Variants in EEIG1 observed in about 807,000 individuals in gnomAD.
EEIG1 encodes the protein early estrogen-induced gene 1 protein.
chr9:127,966,513 GC>G, the EEIG1 span, among the ~76,000 whole-genome samples: 1 of 151,376 alleles, frequency 6.6e-6, no homozygotes, highest in Admixed American at 6.6e-5. Flanking sequence ...GCAAGTGGCT[GC>G]CCTGCTCTGT....
At chr9:127,964,713 C>T in the EEIG1 span, among the ~76,000 whole-genome samples, 2 of 152,246 alleles carry the variant, frequency 1.3e-5, no homozygotes, top group African/African-American at 2.4e-5. Flanking sequence ...CTCACCTCCA[C>T]TGGGTGCCCA....
At chr9:127,958,043 T>A in the EEIG1 span, among the ~76,000 whole-genome samples, 52 of 152,246 alleles carry the variant, frequency 3.4e-4, 1 homozygote, top group African/African-American at 1.2e-3. Flanking sequence ...ACTTTTATGG[T>A]CAATTGATTT....
At chr9:127,945,011 G>A in the EEIG1 span, 25 of 1,280,254 alleles carry the variant, frequency 2.0e-5, no homozygotes, top group Non-Finnish European at 2.5e-5. The surrounding 1 kb of genome is among the most constrained non-coding windows in gnomAD (Gnocchi z 6.5). Flanking sequence ...ATGTCCCTGT[G>A]CGCTCCGTGC....
the EEIG1 span, chr9:127,942,247 G>C: frequency 6.5e-6 from 1 of 152,736 alleles, no homozygotes; most frequent in Non-Finnish European, 1.5e-5. Context: ...GACTTTGCTT[G>C]CTCCAACCTT....
At chr9:127,968,758 C>T in the EEIG1 span, among the ~76,000 whole-genome samples, 2 of 152,284 alleles carry the variant, frequency 1.3e-5, no homozygotes, top group East Asian at 3.9e-4. Context: ...AGTCACTTTT[C>T]CTCCCAGCCC....
the EEIG1 span, chr9:127,950,362 A>G: frequency 2.6e-6 from 4 of 1,539,444 alleles, no homozygotes; most frequent in Non-Finnish European, 3.6e-6. Flanking sequence ...GATTCTGATG[A>G]GCAGCCTGGT....
the EEIG1 span, among the ~76,000 whole-genome samples, chr9:127,947,755 C>CT: frequency 0.01 from 1,559 of 152,284 alleles, 24 homozygotes; most frequent in African/African-American, 0.035. Context: ...TCTTCCCCAG[C>CT]TTTTATCCTG....
chr9:127,972,593 C>G, the EEIG1 span: 1 of 152,420 alleles, frequency 6.6e-6, no homozygotes, highest in South Asian at 2.1e-4. This position sits in a 1 kb window ranked among gnomAD's most constrained non-coding sequence, Gnocchi z 4.3. Context: ...GTCCCTTGCC[C>G]AAGGTCACAC....
the EEIG1 span, among the ~76,000 whole-genome samples, chr9:127,945,077 A>AT: frequency 6.6e-6 from 1 of 152,080 alleles, no homozygotes; most frequent in African/African-American, 2.4e-5. This position sits in a 1 kb window ranked among gnomAD's most constrained non-coding sequence, Gnocchi z 6.5. Context: ...TCATGAGCCG[A>AT]TTTTATAGAC....
At chr9:127,963,260 T>A in the EEIG1 span, among the ~76,000 whole-genome samples, 6 of 152,250 alleles carry the variant, frequency 3.9e-5, no homozygotes, top group Admixed American at 3.3e-4. Context: ...CTCAGCCACC[T>A]GGTTCAAGGC....
chr9:127,946,068 G>C, the EEIG1 span, among the ~76,000 whole-genome samples: 1 of 152,240 alleles, frequency 6.6e-6, no homozygotes, highest in Admixed American at 6.5e-5. Context: ...AGTGCTTACT[G>C]GGGGTCTGGC....
the EEIG1 span, chr9:127,947,921 T>C: frequency 1.1e-6 from 1 of 870,584 alleles, no homozygotes; most frequent in Non-Finnish European, 1.8e-6. Flanking sequence ...CACAAGGTGA[T>C]CAGGTCTCAT....
At chr9:127,948,389 G>A in the EEIG1 span, 3 of 1,614,024 alleles carry the variant, frequency 1.9e-6, no homozygotes, top group Admixed American at 3.3e-5. Flanking sequence ...GGGATCTCCA[G>A]AGAGCAGGAA....
At chr9:127,977,660 C>T in the EEIG1 span, among the ~76,000 whole-genome samples, 1 of 152,224 alleles carries the variant, frequency 6.6e-6, no homozygotes, top group Non-Finnish European at 1.5e-5. Context: ...ACATAACACA[C>T]AGATTATCTG....
chr9:127,957,254 A>G, the EEIG1 span, among the ~76,000 whole-genome samples: 2 of 149,946 alleles, frequency 1.3e-5, no homozygotes, highest in Admixed American at 6.6e-5. Flanking sequence ...CAAAAATAAA[A>G]AATAAAAATG....
At chr9:127,947,500 T>G in the EEIG1 span, among the ~76,000 whole-genome samples, 1 of 152,200 alleles carries the variant, frequency 6.6e-6, no homozygotes, top group African/African-American at 2.4e-5. Flanking sequence ...GGTGCCCACA[T>G]GTGGACAGTT....
chr9:127,944,797 G>T, the EEIG1 span: 1 of 1,612,128 alleles, frequency 6.2e-7, no homozygotes, highest in Non-Finnish European at 8.5e-7. Context: ...GCTGCCATCT[G>T]TGAAATCCTG....
At chr9:127,963,433 T>C in the EEIG1 span, among the ~76,000 whole-genome samples, 1 of 152,254 alleles carries the variant, frequency 6.6e-6, no homozygotes, top group African/African-American at 2.4e-5. Flanking sequence ...AACAGGTAAT[T>C]ACAGAGACTG....
chr9:127,957,100 G>C, the EEIG1 span, among the ~76,000 whole-genome samples: 1 of 152,052 alleles, frequency 6.6e-6, no homozygotes, highest in Non-Finnish European at 1.5e-5. Flanking sequence ...TTGAGGTCAG[G>C]TAGCTATAGT....
Sources: gnomAD v4.1 joint callset for allele counts (sites outside exome capture counted in the v4.1 genomes callset) on GRCh38, gnomAD v4.1.1 for gene constraint, Gnocchi (gnomAD v3.1) non-coding constraint, MANE v1.5 for transcripts, NCBI Gene and HGNC (gene_info 2026-07-23, HGNC 2026-07-21) for gene names.